Variants in FER1L6 observed in about 807,000 individuals in gnomAD.
The protein encoded by FER1L6 is fer-1 like family member 6.
Under a neutral mutation model 219.2 loss-of-function variants are expected in FER1L6, and 177 were observed. That is an observed-to-expected ratio of 0.81 (90% CI 0.71 to 0.91). The LOEUF (loss-of-function observed/expected upper bound fraction) is 0.91, where lower values mean the gene tolerates loss of function less well. FER1L6 is among the 40% of genes least tolerant of loss of function. The pLI, the probability that FER1L6 is intolerant of heterozygous loss-of-function variation, is 0.00. For synonymous variants in FER1L6, 768 were observed against 824.3 expected, an observed-to-expected ratio of 0.93 and a Z score of 1.17; for missense variants, 2,153 against 2,259.9, an observed-to-expected ratio of 0.95 and a Z score of 0.96.
chr8:124,088,453 G>A (rs1431199131), intron 33 of FER1L6, among the ~76,000 whole-genome samples: 4 of 152,084 alleles, frequency 2.6e-5, no homozygotes, highest in Non-Finnish European at 5.9e-5. Context: ...CCAAGGTCTA[G>A]AATCAGGGTC....
chr8:124,010,795 G>A (rs915977157), intron 14 of FER1L6, 81 bp downstream of exon 14: 11 of 1,545,282 alleles, frequency 7.1e-6, no homozygotes, highest in Non-Finnish European at 9.7e-6. Flanking sequence ...CCTAGTAGAG[G>A]ATGTTGACCT....
chr8:123,891,837 A>G (rs1461893805), intron 1 of FER1L6, among the ~76,000 whole-genome samples: 1 of 152,194 alleles, frequency 6.6e-6, no homozygotes, highest in Non-Finnish European at 1.5e-5. Flanking sequence ...AGAAATTACA[A>G]CCATTCAGTT....
intron 2 of FER1L6, 123 bp downstream of exon 2, chr8:123,956,197 G>T: frequency 2.3e-6 from 2 of 869,572 alleles, no homozygotes; most frequent in South Asian, 1.5e-5. Context: ...TGCTGCCCCC[G>T]ACCCTTTAGG....
chr8:124,012,277 C>T (rs1345017300), intron 14 of FER1L6, among the ~76,000 whole-genome samples: 1 of 152,214 alleles, frequency 6.6e-6, no homozygotes, highest in Non-Finnish European at 1.5e-5. Flanking sequence ...TGGAGATAAA[C>T]TCTGAAAGTG....
chr8:123,924,491 G>A (rs907034628), intron 1 of FER1L6, among the ~76,000 whole-genome samples: 5 of 151,598 alleles, frequency 3.3e-5, no homozygotes, highest in Non-Finnish European at 1.5e-5. Flanking sequence ...GCAGTGAGCC[G>A]AGATCATACT....
In FER1L6 at chr8:124,055,483, T is replaced by A. The variant is rs771938897; in HGVS notation, c.2875-4697T>A. Among the ~76,000 whole-genome samples the A allele has an allele frequency of 2.9e-4, 44 of 152,232 alleles. 1 individual carries two copies. The highest frequency in any genetic ancestry group is 3.5e-4 in the Non-Finnish European group (24 of 68,044). On this transcript the variant is annotated intron_variant, in intron 22 of 40. Coordinates refer to ENST00000522917, the MANE Select transcript of FER1L6 (RefSeq NM_001039112.2). ...CCATTCCCTGGGCCCCTCAGAGCGATGTCCCCTTCTGCAATCAGAACTATC... is the reference window on the plus strand; with the variant it reads ...CCATTCCCTGGGCCCCTCAGAGCGAAGTCCCCTTCTGCAATCAGAACTATC...
At chr8:123,966,121 G>T in intron 4 of FER1L6, 38 bp from the exon 5 acceptor site, 1 of 1,613,758 alleles carries the variant, frequency 6.2e-7, no homozygotes, top group Non-Finnish European at 8.5e-7. Flanking sequence ...CATGGATGGC[G>T]GTGTCCGGAA....
At chr8:123,942,153 G>A (rs548657667) in intron 1 of FER1L6, among the ~76,000 whole-genome samples, 2 of 152,192 alleles carry the variant, frequency 1.3e-5, no homozygotes, top group African/African-American at 4.8e-5. Flanking sequence ...GCTGCCTTGG[G>A]AGCTACTATT....
chr8:124,060,793 C>G (rs367943507), intron 24 of FER1L6, 84 bp downstream of exon 24: 27 of 1,396,458 alleles, frequency 1.9e-5, no homozygotes, highest in Non-Finnish European at 2.6e-5. Flanking sequence ...TGTCCACTAG[C>G]TGCGAGAAAG....
chr8:123,865,969 C>T (rs112180636), intron 1 of FER1L6, among the ~76,000 whole-genome samples: 23 of 151,446 alleles, frequency 1.5e-4, no homozygotes, highest in African/African-American at 3.4e-4. Context: ...GAGCTGTAGA[C>T]CGGAGCTGTT....
At chr8:124,041,912 C>T (rs548913453) in intron 20 of FER1L6, among the ~76,000 whole-genome samples, 67 of 152,358 alleles carry the variant, frequency 4.4e-4, no homozygotes, top group Middle Eastern at 3.4e-3. Context: ...GCCTCAATTT[C>T]TTTATCTGTG....
chr8:123,854,901 T>G (rs551464205), intron 1 of FER1L6, among the ~76,000 whole-genome samples: 1 of 152,320 alleles, frequency 6.6e-6, no homozygotes, highest in African/African-American at 2.4e-5. Flanking sequence ...TTAAAATTTT[T>G]ATTGAAGTGA....
intron 18 of FER1L6, among the ~76,000 whole-genome samples, chr8:124,024,964 C>T (rs7838758): frequency 0.58 from 87,825 of 151,814 alleles, 25,840 homozygotes; most frequent in African/African-American, 0.64. Flanking sequence ...ATTAGTGATG[C>T]TGAGCATTTT....
chr8:124,019,659 T>C (rs1395476026), intron 16 of FER1L6, among the ~76,000 whole-genome samples: 1 of 152,212 alleles, frequency 6.6e-6, no homozygotes, highest in East Asian at 1.9e-4. Context: ...TAAACATTTA[T>C]TTAACACCTA....
At chr8:123,887,727 C>A (rs113687385) in intron 1 of FER1L6, among the ~76,000 whole-genome samples, 65 of 151,962 alleles carry the variant, frequency 4.3e-4, no homozygotes, top group African/African-American at 1.5e-3. Context: ...AAGTGAATGT[C>A]TTTTGTGGGT....
At position 123,975,199 on chromosome 8, in the gene FER1L6, C is replaced by T; in HGVS notation, c.576C>T (p.Ile192=). 1 of 1,612,292 alleles carries T rather than the reference C, an allele frequency of 6.2e-7. No individual in the cohort carries two copies. Among genetic ancestry groups the T allele is most frequent in the South Asian group, 1.1e-5 (1 of 90,860 alleles). The change falls in exon 8 of 41, where the codon ATC becomes ATT. Residue 192 remains isoleucine (I), a synonymous_variant. Transcript: ENST00000522917. ...KWALLTDPGD[I]RTGTKGYLKC... ...CCCTGCTCACAGACCCTGGTGACAT[C>T]AGGACTGGCACCAAGGGGTACCTGA...
chr8:123,937,530 A>G (rs1398001395), intron 1 of FER1L6, among the ~76,000 whole-genome samples: 2 of 152,168 alleles, frequency 1.3e-5, no homozygotes, highest in Non-Finnish European at 2.9e-5. Context: ...TAATACTCAT[A>G]AAACCCTTGA....
intron 13 of FER1L6, among the ~76,000 whole-genome samples, chr8:124,006,728 G>A (rs77432817): frequency 0.034 from 5,228 of 152,166 alleles, 190 homozygotes; most frequent in East Asian, 0.11. Context: ...GTCCTGTATC[G>A]GGACAGCCAT....
intron 1 of FER1L6, among the ~76,000 whole-genome samples, chr8:123,904,715 G>A (rs963184161): frequency 2.6e-5 from 4 of 152,180 alleles, no homozygotes; most frequent in Admixed American, 6.5e-5. Flanking sequence ...GTGAGTCTAA[G>A]TGGCCTCTGA....
Sources: gnomAD v4.1 joint callset for allele counts (sites outside exome capture counted in the v4.1 genomes callset) on GRCh38, gnomAD v4.1.1 for gene constraint, MANE v1.5 for transcripts, NCBI Gene and HGNC (gene_info 2026-07-23, HGNC 2026-07-21) for gene names.